SCN3A: variants seen among roughly 807,000 people sequenced by gnomAD.
SCN3A encodes sodium voltage-gated channel alpha subunit 3.
Under a neutral mutation model 187.6 loss-of-function variants are expected in SCN3A, and 60 were observed. That is an observed-to-expected ratio of 0.32 (90% CI 0.26 to 0.40). The LOEUF (loss-of-function observed/expected upper bound fraction) is 0.40, where lower values mean the gene tolerates loss of function less well. SCN3A is among the 10% of genes least tolerant of loss of function. SCN3A has a pLI of 1.00. For missense variants in SCN3A, 1,601 were observed against 2,428.2 expected (o/e 0.66, Z 7.16); for synonymous variants, 788 against 829.2 (o/e 0.95, Z 0.85).
rs1376689130 is a variant in SCN3A at position 165,087,916 on chromosome 2, G to A, written c.*2234C>T. 1 of 152,128 alleles carries A rather than the reference G, an allele frequency of 6.6e-6. No individual in the cohort carries two copies. The highest frequency in any genetic ancestry group is 1.5e-5 in the Non-Finnish European group (1 of 67,990). The allele number at this position is 152,128 out of a possible 1,614,324, so 9.4% of individuals were successfully genotyped here. On this transcript the variant is annotated 3_prime_UTR_variant, in exon 28 of 28. Transcript: ENST00000283254. ...TTATCAAACCTGAAAGTTGGAACAT[G>A]TGAACTTGATCCTTTGCACACATAA...
chr2:165,113,293 T>C (rs964768108), intron 20 of SCN3A, among the ~76,000 whole-genome samples: 1 of 152,086 alleles, frequency 6.6e-6, no homozygotes, highest in Non-Finnish European at 1.5e-5. Flanking sequence ...CACCCCTAAG[T>C]CTCTATCTCA....
In SCN3A at chr2:165,090,171, C is replaced by G. The variant is rs1330278391; in HGVS notation, c.5982G>C (p.Glu1994Asp). The change falls in exon 28 of 28, where the codon GAG (glutamate) becomes GAC (aspartate). Residue 1994 changes from glutamate to aspartate, a missense_variant. Physicochemically the swap from Glu to Asp is conservative, Grantham distance 45. Around this residue, in one of 11 missense-constraint regions of SCN3A, gnomAD observed 87 missense variants for 89.2 expected, o/e 0.98. Coordinates refer to ENST00000283254, the MANE Select transcript of SCN3A (RefSeq NM_006922.4). This position sits in a 1 kb window ranked among gnomAD's most constrained non-coding sequence, Gnocchi z 4.0. ...CTTTTTACTTTTGATTTTCTCTGAC[C>G]TCTTTTCCTTTGCTTTCTTTTTCTG... ...DKPEKESKGK[E>D]VRENQK is the part of the protein sequence containing the mutation. 6.3e-7 allele frequency: 1 copy of G among 1,588,770 alleles called. No homozygotes were observed. Among genetic ancestry groups the G allele is most frequent in the East Asian group, 2.2e-5 (1 of 44,600 alleles).
chr2:165,123,841 A>T (rs79775215), intron 18 of SCN3A, among the ~76,000 whole-genome samples: 1 of 151,974 alleles, frequency 6.6e-6, no homozygotes, highest in Non-Finnish European at 1.5e-5. Context: ...ACATGCTGGT[A>T]TTGGCTTTTT....
chr2:165,119,765 A>G (rs1319526543), intron 18 of SCN3A: 2 of 152,294 alleles, frequency 1.3e-5, no homozygotes, highest in Middle Eastern at 3.4e-3. Flanking sequence ...TTATATTGCC[A>G]TAGCTGTGAT....
chr2:165,113,419 GAATGATCTGGCTTAT>G (rs1259852156), intron 20 of SCN3A, among the ~76,000 whole-genome samples: 1 of 152,008 alleles, frequency 6.6e-6, no homozygotes, highest in Non-Finnish European at 1.5e-5. Context: ...ACAATTTCCT[GAATGATCTGGCTTAT>G]TTTGAGAGAA....
At chr2:165,105,916 T>G (rs1445453903) in intron 21 of SCN3A, among the ~76,000 whole-genome samples, 5 of 152,198 alleles carry the variant, frequency 3.3e-5, no homozygotes, top group Non-Finnish European at 7.4e-5. Context: ...TTTGTAAGTT[T>G]GTAACTCAAG....
chr2:165,151,931 A>G (rs1688707415), intron 11 of SCN3A, among the ~76,000 whole-genome samples: 1 of 152,170 alleles, frequency 6.6e-6, no homozygotes, highest in Admixed American at 6.5e-5. Flanking sequence ...GTAGAGTATT[A>G]GGAAGGGTCT....
chr2:165,113,930 T>G lies in SCN3A; in HGVS notation c.3555A>C (p.Glu1185Asp), dbSNP rs752725888. The change falls in exon 20 of 28, where the codon GAA becomes GAC. Residue 1185 changes from glutamate (E) to aspartate (D), a missense_variant. Transcript: ENST00000283254. ...TCCACCAGATCTTCCCTTTGCCTTC[T>G]TCTGTACTTACTTGACAGAATGGAA... is the stretch of plus-strand genomic sequence containing the variant. ...KKFPFCQVST[E>D]EGKGKIWWNL... The G allele has an allele frequency of 3.1e-6, 5 of 1,612,380 alleles. No homozygotes were observed. In the African/African-American group the frequency reaches 6.7e-5, roughly 21 times the overall value.
intron 18 of SCN3A, among the ~76,000 whole-genome samples, chr2:165,122,239 C>CTTTTTTTTT (rs1286913407): frequency 2.3e-5 from 3 of 128,916 alleles, no homozygotes; most frequent in African/African-American, 5.8e-5. Flanking sequence ...TCTTTTTTTT[C>CTTTTTTTTT]TTTTTTTTTT....
At chr2:165,196,580 A>G (rs951555894) in intron 1 of SCN3A, among the ~76,000 whole-genome samples, 2 of 152,108 alleles carry the variant, frequency 1.3e-5, no homozygotes, top group African/African-American at 4.8e-5. Context: ...CGGAACAGCA[A>G]CTGGGGTGTT....
intron 15 of SCN3A, among the ~76,000 whole-genome samples, chr2:165,132,935 G>GA (rs1293488388): frequency 1.3e-5 from 2 of 151,998 alleles, no homozygotes; most frequent in Non-Finnish European, 2.9e-5. Context: ...AAATTTACAA[G>GA]AAAAAAACAA....
chr2:165,169,267 A>G (rs755407669), intron 4 of SCN3A, among the ~76,000 whole-genome samples: 2 of 152,000 alleles, frequency 1.3e-5, no homozygotes, highest in Non-Finnish European at 2.9e-5. Context: ...CAAAGATTAC[A>G]TTGATTGAGA....
chr2:165,121,276 A>T (rs1169953977), intron 18 of SCN3A, among the ~76,000 whole-genome samples: 3 of 152,188 alleles, frequency 2.0e-5, no homozygotes, highest in South Asian at 2.1e-4. Flanking sequence ...TTCCAAAAAT[A>T]GCACAAAGTC....
At chr2:165,162,006 C>T (rs1205335759) in intron 9 of SCN3A, among the ~76,000 whole-genome samples, 1 of 152,156 alleles carries the variant, frequency 6.6e-6, no homozygotes, top group Non-Finnish European at 1.5e-5. Context: ...TGTTTCCTAA[C>T]AGCTCTGATA....
intron 11 of SCN3A, 33 bp downstream of exon 11, chr2:165,154,419 T>A (rs187852786): frequency 1.2e-6 from 2 of 1,601,882 alleles, no homozygotes; most frequent in African/African-American, 2.7e-5. Context: ...CTAATAATAA[T>A]AATGATAAAT....
intron 15 of SCN3A, among the ~76,000 whole-genome samples, chr2:165,135,282 G>A (rs540252442): frequency 5.5e-4 from 84 of 152,114 alleles, no homozygotes; most frequent in African/African-American, 1.9e-3. Flanking sequence ...ACTTAATTGA[G>A]ATTCAAGGTC....
Position 165,088,141 on chromosome 2 carries a change from G to A in SCN3A, c.*2009C>T, listed in dbSNP as rs543926167. 44 of 152,538 alleles carry A rather than the reference G, an allele frequency of 2.9e-4. No homozygotes were observed. The highest frequency in any genetic ancestry group is 1.1e-3 in the African/African-American group (44 of 41,528). The allele number at this position is 152,538 out of a possible 1,614,324, so 9.4% of individuals were successfully genotyped here. ...AACCCCAGAGGCCAATAAGTGAAAT[G>A]CAATAAAAAATGAAATTTATTCTTT... On this transcript the variant is annotated 3_prime_UTR_variant, in exon 28 of 28. Coordinates refer to ENST00000283254, the MANE Select transcript of SCN3A (RefSeq NM_006922.4).
chr2:165,195,051 T>G (rs1313356935), intron 1 of SCN3A: 2 of 152,246 alleles, frequency 1.3e-5, no homozygotes, highest in East Asian at 1.9e-4. Flanking sequence ...TGCTCAATTC[T>G]TTTGAGGCTA....
chr2:165,183,629 G>T (rs1209686259), intron 2 of SCN3A, among the ~76,000 whole-genome samples: 2 of 152,120 alleles, frequency 1.3e-5, no homozygotes, highest in Non-Finnish European at 2.9e-5. Context: ...ATGGCCTATG[G>T]GTTCTCATCT....
Sources: gnomAD v4.1 joint callset for allele counts (sites outside exome capture counted in the v4.1 genomes callset) on GRCh38, gnomAD v4.1.1 for gene constraint, gnomAD v4.1.1 regional missense constraint, Gnocchi (gnomAD v3.1) non-coding constraint, MANE v1.5 for transcripts, NCBI Gene and HGNC (gene_info 2026-07-23, HGNC 2026-07-21) for gene names.